Variants in PUM2 observed in about 807,000 individuals in gnomAD.
PUM2 encodes pumilio RNA binding family member 2.
A neutral mutation model predicts 124.5 loss-of-function variants in PUM2; 57 were observed. The observed-to-expected ratio is 0.46, with a 90% CI of 0.37 to 0.57. The LOEUF (loss-of-function observed/expected upper bound fraction) is 0.57, where lower values mean the gene tolerates loss of function less well. Among genes scored for constraint, PUM2 ranks in the 20% least tolerant of loss-of-function variants. The probability of loss-of-function intolerance (pLI) is 0.00; values close to 1 mark genes in which losing one functional copy is unlikely to be tolerated. For missense variants in PUM2, 1,065 were observed against 1,290.6 expected (o/e 0.83, Z 2.68); for synonymous variants, 460 against 446.1 (o/e 1.03, Z -0.39).
At chr2:20,338,539 A>T (rs1322669316) in intron 1 of PUM2, among the ~76,000 whole-genome samples, 1 of 152,222 alleles carries the variant, frequency 6.6e-6, no homozygotes, top group East Asian at 1.9e-4. Context: ...TAATTCCCAC[A>T]GAATTTAATT....
chr2:20,349,418 G>A (rs991456159), intron 1 of PUM2, among the ~76,000 whole-genome samples: 3 of 152,018 alleles, frequency 2.0e-5, no homozygotes, highest in Admixed American at 2.0e-4. Context: ...TTGCAGCACG[G>A]AAAATGCCAT....
intron 1 of PUM2, among the ~76,000 whole-genome samples, chr2:20,336,177 GTTT>G (rs756496316): frequency 2.7e-5 from 4 of 147,936 alleles, no homozygotes; most frequent in Non-Finnish European, 6.0e-5. Flanking sequence ...CACAAAAAGC[GTTT>G]TTTTGTTTTT....
chr2:20,342,443 A>C (rs551700186), intron 1 of PUM2, among the ~76,000 whole-genome samples: 5 of 142,244 alleles, frequency 3.5e-5, no homozygotes, highest in African/African-American at 1.2e-4. Context: ...AAATTCTACA[A>C]TTAAAACTGT....
rs1437632420 is a variant in PUM2, at chr2:20,282,971, C to G, written c.1696G>C (p.Ala566Pro). The change falls in exon 12 of 21, where the codon GCC becomes CCC. Residue 566 changes from alanine to proline, a missense_variant. Transcript: ENST00000361078. Reference sequence around the variant, plus strand: ...CCTGATGAACCAAATCCACTGAGGGCTGAGCCTATAGCAGCACCCAAAGAG... The same window carrying G: ...CCTGATGAACCAAATCCACTGAGGGGTGAGCCTATAGCAGCACCCAAAGAG... ...GNSLGAAIGS[A>P]LSGFGSSVGS... 5.0e-6 allele frequency: 8 copies of G among 1,613,956 alleles called. No individual in the cohort carries two copies. Among genetic ancestry groups the G allele is most frequent in the Admixed American group, 3.3e-5 (2 of 59,912 alleles).
intron 7 of PUM2, among the ~76,000 whole-genome samples, chr2:20,299,630 T>C (rs1676474658): frequency 6.6e-6 from 1 of 152,146 alleles, no homozygotes; most frequent in African/African-American, 2.4e-5. Context: ...ATCACACCAC[T>C]GCAGTCCAGC....
chr2:20,269,682 A>G (rs1364025190), intron 13 of PUM2, among the ~76,000 whole-genome samples: 1 of 152,256 alleles, frequency 6.6e-6, no homozygotes, highest in Non-Finnish European at 1.5e-5. Flanking sequence ...TTATGACAAT[A>G]TGCAAGCAAA....
At chr2:20,326,341 T>G in intron 2 of PUM2, 1 of 1,304,160 alleles carries the variant, frequency 7.7e-7, no homozygotes, top group Non-Finnish European at 1.0e-6. Context: ...AGCTGCAGGG[T>G]GCCCTCTTGT....
chr2:20,296,426 C>T (rs1005266685), intron 8 of PUM2, among the ~76,000 whole-genome samples: 5 of 151,140 alleles, frequency 3.3e-5, no homozygotes, highest in East Asian at 2.0e-4. Context: ...ACCCGGGAGG[C>T]GGAGCTTGCA....
chr2:20,293,597 C>T (rs1441015473), intron 9 of PUM2, among the ~76,000 whole-genome samples: 1 of 152,076 alleles, frequency 6.6e-6, no homozygotes, highest in African/African-American at 2.4e-5. Flanking sequence ...GTAATCCCAG[C>T]TACTTGGAAG....
intron 6 of PUM2, 23 bp from the exon 7 acceptor site, chr2:20,308,094 CA>C (rs1339610177): frequency 6.3e-7 from 1 of 1,589,686 alleles, no homozygotes; most frequent in Non-Finnish European, 8.6e-7. Flanking sequence ...ATATTTAACA[CA>C]AAGATTAGTG....
intron 10 of PUM2, among the ~76,000 whole-genome samples, chr2:20,285,434 T>C (rs944992744): frequency 6.6e-6 from 1 of 152,162 alleles, no homozygotes; most frequent in Admixed American, 6.5e-5. Flanking sequence ...GCCCACAACA[T>C]GATCTGGTTG....
chr2:20,279,619 T>C (rs1011316862), intron 12 of PUM2, among the ~76,000 whole-genome samples: 4 of 152,192 alleles, frequency 2.6e-5, no homozygotes, highest in Non-Finnish European at 2.9e-5. Context: ...CATCCCTTAA[T>C]ACAATGCATA....
intron 7 of PUM2, among the ~76,000 whole-genome samples, chr2:20,305,279 G>A (rs564371297): frequency 6.6e-6 from 1 of 152,002 alleles, no homozygotes; most frequent in South Asian, 2.1e-4. Context: ...GAGCCCAGGA[G>A]TTCGAGACCA....
At chr2:20,347,529 A>G (rs1467508009) in intron 1 of PUM2, among the ~76,000 whole-genome samples, 1 of 152,212 alleles carries the variant, frequency 6.6e-6, no homozygotes, top group Non-Finnish European at 1.5e-5. Context: ...TTTTTCAACT[A>G]CAAAAGCAAT....
intron 2 of PUM2, chr2:20,326,311 G>T: frequency 7.7e-7 from 1 of 1,303,916 alleles, no homozygotes; most frequent in Non-Finnish European, 1.0e-6. Flanking sequence ...ACGCTGTTCT[G>T]AAGAAGGGGA....
chr2:20,286,356 T>G (rs7579477), intron 10 of PUM2, among the ~76,000 whole-genome samples: 145,366 of 152,272 alleles, frequency 0.95, 69,420 homozygotes, highest in East Asian at 1. Flanking sequence ...GGATGTGAGG[T>G]AAAAAGTAGT....
intron 8 of PUM2, among the ~76,000 whole-genome samples, chr2:20,295,459 C>T (rs1675287079): frequency 6.6e-6 from 1 of 151,964 alleles, no homozygotes; most frequent in East Asian, 1.9e-4. Flanking sequence ...AAATAAAAAG[C>T]TTTTATTTCT....
In PUM2 at chr2:20,254,940, A is replaced by C; in HGVS notation, c.2793T>G (p.Gly931=). 6.2e-7 allele frequency: 1 copy of C among 1,613,896 alleles called. No individual in the cohort carries two copies. The highest frequency in any genetic ancestry group is 1.1e-5 in the South Asian group (1 of 91,072). ...NYVIQHVLEH[G]RPEDKSKIVS... Reference sequence around the variant, plus strand: ...CAATTTTGCTCTTGTCTTCAGGTCGACCGTGTTCCAGTACATGCTGAATAA... The same window carrying C: ...CAATTTTGCTCTTGTCTTCAGGTCGCCCGTGTTCCAGTACATGCTGAATAA... The change falls in exon 19 of 21, where the codon GGT becomes GGG. Residue 931 remains glycine (G), a synonymous_variant. Coordinates refer to ENST00000361078, the MANE Select transcript of PUM2 (RefSeq NM_015317.5).
intron 12 of PUM2, among the ~76,000 whole-genome samples, 164 bp from the exon 13 acceptor site, chr2:20,278,983 C>T (rs1166986012): frequency 6.6e-6 from 1 of 152,044 alleles, no homozygotes; most frequent in African/African-American, 2.4e-5. Context: ...ACTTATTAAT[C>T]ATAAAAGGGT....
Sources: gnomAD v4.1 joint callset for allele counts (sites outside exome capture counted in the v4.1 genomes callset) on GRCh38, gnomAD v4.1.1 for gene constraint, MANE v1.5 for transcripts, NCBI Gene and HGNC (gene_info 2026-07-23, HGNC 2026-07-21) for gene names.